The following MRTFB variants were observed in gnomAD, a reference collection of about 807,000 sequenced individuals.
MRTFB encodes the protein myocardin-related transcription factor B.
Under a neutral mutation model 104.2 loss-of-function variants are expected in MRTFB, and 29 were observed. The ratio of observed to expected loss-of-function variants is 0.28; its 90% CI spans 0.21 to 0.38. The LOEUF (loss-of-function observed/expected upper bound fraction) is 0.38, where lower values mean the gene tolerates loss of function less well. Among genes scored for constraint, MRTFB ranks in the 10% least tolerant of loss-of-function variants. MRTFB has a pLI of 1.00. For synonymous variants in MRTFB, 535 were observed against 519.5 expected (o/e 1.03, Z -0.41); for missense variants, 1,270 against 1,341.6 (o/e 0.95, Z 0.83).
At chr16:14,017,697 ATATATATATATATATTTT>A in the MRTFB span, among the ~76,000 whole-genome samples, 3 of 19,424 alleles carry the variant, frequency 1.5e-4, 1 homozygote, top group Non-Finnish European at 5.6e-4. Context: ...GTATATATAT[ATATATATATATATATTTT>A]TTTTTTTTTT....
At chr16:14,211,686 G>A (rs2041195854) in intron 4 of MRTFB, among the ~76,000 whole-genome samples, 2 of 152,326 alleles carry the variant, frequency 1.3e-5, no homozygotes, top group South Asian at 4.1e-4. Flanking sequence ...TTACCAGCAG[G>A]TAGCATATTA....
chr16:14,135,940 A>G (rs77678836), intron 2 of MRTFB, among the ~76,000 whole-genome samples: 3,704 of 152,174 alleles, frequency 0.024, 166 homozygotes, highest in African/African-American at 0.085. Flanking sequence ...GACTTCCCTA[A>G]CTTACCCCAA....
chr16:14,195,566 A>T, intron 3 of MRTFB: 2 of 985,476 alleles, frequency 2.0e-6, no homozygotes, highest in Non-Finnish European at 2.4e-6. Flanking sequence ...TCAACAGAGT[A>T]GCATGTGCTT....
chr16:14,202,777 A>G (rs1438190041), intron 3 of MRTFB, among the ~76,000 whole-genome samples: 4 of 152,198 alleles, frequency 2.6e-5, no homozygotes, highest in African/African-American at 9.6e-5. Flanking sequence ...GTGCAATTCT[A>G]CATTTGGCCA....
intron 7 of MRTFB, among the ~76,000 whole-genome samples, chr16:14,218,587 G>A (rs1484214404): frequency 6.6e-6 from 1 of 152,030 alleles, no homozygotes; most frequent in Non-Finnish European, 1.5e-5. Context: ...TGTACTTCAT[G>A]TAACTGGTAG....
intron 2 of MRTFB, among the ~76,000 whole-genome samples, chr16:14,086,514 T>C (rs926781025): frequency 1.3e-5 from 2 of 152,216 alleles, no homozygotes; most frequent in African/African-American, 4.8e-5. Context: ...TTGAAATAAT[T>C]GAGTCTTCAA....
chr16:14,240,130 T>G, intron 9 of MRTFB, 107 bp from the exon 10 acceptor site: 1 of 1,301,688 alleles, frequency 7.7e-7, no homozygotes, highest in Non-Finnish European at 1.0e-6. Flanking sequence ...GCTGTACCCG[T>G]ATCTAAGGTA....
chr16:14,126,648 C>T lies in MRTFB; in HGVS notation c.-63-13896C>T, dbSNP rs116218706. Among the ~76,000 whole-genome samples, 532 of 152,246 alleles carry T rather than the reference C, an allele frequency of 3.5e-3. 3 individuals are homozygous for T. The highest frequency in any genetic ancestry group is 0.012 in the African/African-American group (515 of 41,538). The stretch of plus-strand genomic sequence containing the variant: ...CTGATTTATTCATAGCTCTGCTGTG[C>T]GCCTCACATCTATTATCTCTTCAAT... On this transcript the variant is annotated intron_variant, in intron 2 of 16. Transcript: ENST00000571589.
At chr16:14,254,598 G>T (rs984117622) in intron 15 of MRTFB, among the ~76,000 whole-genome samples, 1 of 152,230 alleles carries the variant, frequency 6.6e-6, no homozygotes, top group South Asian at 2.1e-4. Context: ...TGGAATGGAC[G>T]CTTAGCAGCT....
At chr16:14,122,463 T>C (rs2036900068) in intron 2 of MRTFB, among the ~76,000 whole-genome samples, 1 of 152,050 alleles carries the variant, frequency 6.6e-6, no homozygotes, top group Admixed American at 6.6e-5. Flanking sequence ...GGCCCTGGTG[T>C]GTGATGTTTC....
At chr16:14,256,194 CAAA>C (rs750556838) in intron 15 of MRTFB, among the ~76,000 whole-genome samples, 1 of 77,644 alleles carries the variant, frequency 1.3e-5, no homozygotes, top group Non-Finnish European at 2.7e-5. Context: ...AACAGGATAA[CAAA>C]AAAAAAAAAA....
At position 14,247,330 on chromosome 16, in the gene MRTFB, G is replaced by T. The variant is rs772139173; in HGVS notation, c.2070G>T (p.Glu690Asp). 6.2e-7 allele frequency: 1 copy of T among 1,614,226 alleles called. No individual in the cohort carries two copies. The highest frequency in any genetic ancestry group is 8.5e-7 in the Non-Finnish European group (1 of 1,180,046). ...IKQEVPVGQA[E>D]QQSVVSQFYV... Reference sequence around the variant, plus strand: ...AAGAGGTCCCTGTGGGCCAGGCAGAGCAGCAGAGTGTCGTCTCGCAGTTTT... The same window carrying T: ...AAGAGGTCCCTGTGGGCCAGGCAGATCAGCAGAGTGTCGTCTCGCAGTTTT... Residue 690 changes from glutamate (E) to aspartate (D), a missense_variant, in exon 12 of 17, where the codon GAG (glutamate) becomes GAT (aspartate). Glu to Asp is a conservative substitution (Grantham distance 45). Transcript: ENST00000571589.
At chr16:14,160,061 T>TTGGCATAGTAATTTGGCA (rs1376990297) in intron 3 of MRTFB, among the ~76,000 whole-genome samples, 13 of 152,184 alleles carry the variant, frequency 8.5e-5, no homozygotes, top group African/African-American at 3.1e-4. Context: ...CTCAAAAAGT[T>TTGGCATAGTAATTTGGCA]TAACATTGGC....
At chr16:14,240,516 G>A (rs754426621) in intron 10 of MRTFB, 32 bp downstream of exon 10, 3 of 1,614,134 alleles carry the variant, frequency 1.9e-6, no homozygotes, top group Non-Finnish European at 8.5e-7. Context: ...CCTCAACGCG[G>A]GGTTTTCTGT....
the MRTFB span, among the ~76,000 whole-genome samples, chr16:14,064,814 A>T: frequency 6.6e-6 from 1 of 152,048 alleles, no homozygotes; most frequent in Non-Finnish European, 1.5e-5. Flanking sequence ...TTCTGTTGGT[A>T]TATGTATCTA....
At chr16:14,166,864 T>C (rs1050871439) in intron 3 of MRTFB, among the ~76,000 whole-genome samples, 21 of 152,350 alleles carry the variant, frequency 1.4e-4, no homozygotes, top group African/African-American at 4.8e-4. Context: ...GGCTGCACAG[T>C]ATTCCATGGT....
chr16:14,050,353 C>G, the MRTFB span, among the ~76,000 whole-genome samples: 1 of 152,098 alleles, frequency 6.6e-6, no homozygotes, highest in Non-Finnish European at 1.5e-5. Flanking sequence ...TCTAACATGA[C>G]CAAAGTCTCA....
chr16:14,099,236 T>G (rs1230367498), intron 2 of MRTFB, among the ~76,000 whole-genome samples: 2 of 152,268 alleles, frequency 1.3e-5, no homozygotes, highest in South Asian at 2.1e-4. Flanking sequence ...ATTTATATTT[T>G]TTAAAATTTC....
At chr16:14,163,454 C>T (rs2039115969) in intron 3 of MRTFB, among the ~76,000 whole-genome samples, 1 of 152,176 alleles carries the variant, frequency 6.6e-6, no homozygotes, top group African/African-American at 2.4e-5. Context: ...GCTATGTTTA[C>T]TGTCCAGTAA....
Sources: gnomAD v4.1 joint callset for allele counts (sites outside exome capture counted in the v4.1 genomes callset) on GRCh38, gnomAD v4.1.1 for gene constraint, MANE v1.5 for transcripts, NCBI Gene and HGNC (gene_info 2026-07-23, HGNC 2026-07-21) for gene names.